Variants in SMG6 observed in about 807,000 individuals in gnomAD.
SMG6 encodes SMG6 nonsense mediated mRNA decay factor.
Under a neutral mutation model 142.2 loss-of-function variants are expected in SMG6, and 66 were observed. That is an observed-to-expected ratio of 0.46 (90% confidence interval 0.38 to 0.57). The LOEUF (loss-of-function observed/expected upper bound fraction) is 0.57. Ranked by LOEUF, SMG6 falls within the 20% of genes least tolerant of loss-of-function variation. The pLI is 0.00. For missense variants in SMG6, 1,793 were observed against 1,832.0 expected (o/e 0.98, Z 0.39); for synonymous variants, 779 against 702.4 (o/e 1.11, Z -1.72).
rs1320964489 is a variant in SMG6 at position 2,230,869 on chromosome 17, T to C, written c.2869+5623A>G. Among the ~76,000 whole-genome samples, 3 of 152,222 alleles carry C rather than the reference T, an allele frequency of 2.0e-5. No individual in the cohort carries two copies. In the East Asian group the frequency reaches 5.8e-4, roughly 29 times the overall value. The stretch of plus-strand genomic sequence containing the variant: ...CAAAATTCCTTGCTCAGGCTGGCTC[T>C]GTTCATTTTCTCTAAACTGAGGCAT... On this transcript the variant is annotated intron_variant, in intron 10 of 18. Transcript: ENST00000263073.
intron 8 of SMG6, among the ~76,000 whole-genome samples, chr17:2,256,783 ATAG>A (rs1374274087): frequency 1.0e-5 from 1 of 95,306 alleles, no homozygotes; most frequent in African/African-American, 2.9e-5. Context: ...TTTAAAAAAA[ATAG>A]ATAGACAGAT....
intron 13 of SMG6, among the ~76,000 whole-genome samples, chr17:2,111,450 T>C (rs1433915684): frequency 6.6e-6 from 1 of 152,164 alleles, no homozygotes; most frequent in East Asian, 1.9e-4. Flanking sequence ...ATCTCGCTGT[T>C]GCCCAGGCTG....
chr17:2,117,761 T>G (rs1414842982), intron 13 of SMG6: 2 of 152,170 alleles, frequency 1.3e-5, no homozygotes, highest in Non-Finnish European at 2.9e-5. Context: ...GTAAGAATTT[T>G]TAAATAAAAC....
chr17:2,292,837 G>C, intron 5 of SMG6, 34 bp downstream of exon 5: 1 of 1,576,100 alleles, frequency 6.3e-7, no homozygotes, highest in Non-Finnish European at 8.7e-7. Context: ...GAGCCACATA[G>C]GGAAGAGAAA....
chr17:2,243,829 T>C (rs2073868417), intron 9 of SMG6, among the ~76,000 whole-genome samples: 1 of 152,164 alleles, frequency 6.6e-6, no homozygotes, highest in Non-Finnish European at 1.5e-5. Flanking sequence ...TCAGAAAATA[T>C]TAGAATCCAG....
intron 13 of SMG6, among the ~76,000 whole-genome samples, chr17:2,130,514 A>G (rs893105481): frequency 6.6e-6 from 1 of 151,936 alleles, no homozygotes; most frequent in Non-Finnish European, 1.5e-5. Flanking sequence ...GAGGACTAGG[A>G]AACAGGGAAA....
At chr17:2,102,095 G>A (rs951305979) in intron 13 of SMG6, among the ~76,000 whole-genome samples, 1 of 152,182 alleles carries the variant, frequency 6.6e-6, no homozygotes, top group Non-Finnish European at 1.5e-5. Flanking sequence ...CGACAGTGTC[G>A]TGGCCTCCTA....
At chr17:2,185,764 G>A (rs530134584) in intron 12 of SMG6, among the ~76,000 whole-genome samples, 24 of 151,698 alleles carry the variant, frequency 1.6e-4, no homozygotes, top group Admixed American at 5.2e-4. Flanking sequence ...AGACGGGGAC[G>A]AGGGCAGGGA....
intron 1 of SMG6, among the ~76,000 whole-genome samples, chr17:2,301,783 A>G (rs2075283473): frequency 6.6e-6 from 1 of 152,262 alleles, no homozygotes; most frequent in African/African-American, 2.4e-5. Flanking sequence ...CGGAGCTTGC[A>G]GTACGCGGAG....
intron 13 of SMG6, among the ~76,000 whole-genome samples, chr17:2,134,231 A>G (rs2070216431): frequency 6.6e-6 from 1 of 152,004 alleles, no homozygotes; most frequent in Non-Finnish European, 1.5e-5. Context: ...CAGCCTGTCC[A>G]ATACGGTGAA....
At chr17:2,164,881 G>A (rs1161409796) in intron 13 of SMG6, among the ~76,000 whole-genome samples, 1 of 152,008 alleles carries the variant, frequency 6.6e-6, no homozygotes, top group Non-Finnish European at 1.5e-5. Context: ...AGGTTACAGT[G>A]AGCCAAGACT....
At chr17:2,066,652 TACACACACAC>T (rs1161956483) in intron 16 of SMG6, among the ~76,000 whole-genome samples, 3,178 of 119,576 alleles carry the variant, frequency 0.027, 59 homozygotes, top group South Asian at 0.091. Flanking sequence ...CATGTGGGAA[TACACACACAC>T]ACACACACAC....
At chr17:2,112,367 G>A (rs1032967372) in intron 13 of SMG6, among the ~76,000 whole-genome samples, 7 of 151,556 alleles carry the variant, frequency 4.6e-5, no homozygotes, top group Non-Finnish European at 8.8e-5. Flanking sequence ...AATTAGCCAG[G>A]CGTCGTGGCG....
intron 10 of SMG6, among the ~76,000 whole-genome samples, chr17:2,206,520 G>T (rs886990184): frequency 6.6e-6 from 1 of 151,934 alleles, no homozygotes; most frequent in African/African-American, 2.4e-5. Context: ...TCAAGGCTGC[G>T]GTGAGCTATA....
chr17:2,289,679 G>A (rs529727487), intron 6 of SMG6, among the ~76,000 whole-genome samples: 54 of 152,170 alleles, frequency 3.5e-4, no homozygotes, highest in Middle Eastern at 3.4e-3. Context: ...GTGAGGCTGA[G>A]GTAGGTGGAT....
intron 13 of SMG6, among the ~76,000 whole-genome samples, chr17:2,089,079 G>C (rs561368984): frequency 2.6e-5 from 4 of 152,166 alleles, no homozygotes; most frequent in Non-Finnish European, 5.9e-5. Context: ...TTCCTGGTAG[G>C]AGAGGGGTTA....
intron 10 of SMG6, among the ~76,000 whole-genome samples, chr17:2,228,994 C>T (rs1052819276): frequency 6.6e-6 from 1 of 152,084 alleles, no homozygotes; most frequent in Non-Finnish European, 1.5e-5. Flanking sequence ...CTAAGAAAAG[C>T]ATGTGAGAGG....
chr17:2,215,212 A>AAC (rs148183711), intron 10 of SMG6, among the ~76,000 whole-genome samples: 111,129 of 151,032 alleles, frequency 0.74, 41,343 homozygotes, highest in African/African-American at 0.79. Context: ...GTACATTATA[A>AAC]ACACACACAC....
chr17:2,075,596 A>C (rs1283389039), intron 15 of SMG6, among the ~76,000 whole-genome samples: 1 of 152,206 alleles, frequency 6.6e-6, no homozygotes, highest in Non-Finnish European at 1.5e-5. Context: ...TGCCTGGAGG[A>C]GCATTTTCAG....
Sources: allele counts gnomAD v4.1 joint callset (sites outside exome capture counted in the v4.1 genomes callset), GRCh38; gene constraint gnomAD v4.1.1; transcripts MANE v1.5; gene names NCBI Gene and HGNC (gene_info 2026-07-23, HGNC 2026-07-21).